RANBP17: variants seen among roughly 807,000 people sequenced by gnomAD.
RANBP17 encodes the protein ran-binding protein 17.
A neutral mutation model predicts 141.2 loss-of-function variants in RANBP17; 158 were observed. The observed-to-expected ratio is 1.12, with a 90% confidence interval of 0.98 to 1.28. RANBP17 has a LOEUF of 1.28. RANBP17 is among the 50% of genes most tolerant of loss of function. The pLI is 0.00. For synonymous variants in RANBP17, 430 were observed against 450.0 expected (o/e 0.96, Z 0.56); for missense variants, 1,438 against 1,290.7 (o/e 1.11, Z -1.75).
intron 13 of RANBP17, among the ~76,000 whole-genome samples, chr5:170,962,444 T>C (rs748221625): frequency 3.3e-5 from 5 of 152,216 alleles, no homozygotes; most frequent in African/African-American, 7.2e-5. Context: ...CAAGAGAAAG[T>C]GCATAAAATC....
chr5:170,994,284 A>G (rs4362957), intron 14 of RANBP17, among the ~76,000 whole-genome samples: 90,624 of 151,770 alleles, frequency 0.6, 28,884 homozygotes, highest in South Asian at 0.88. Flanking sequence ...TTGAATTGGT[A>G]GAAAATTAGA....
intron 14 of RANBP17, among the ~76,000 whole-genome samples, chr5:171,125,269 C>T (rs1005009814): frequency 4.1e-5 from 5 of 122,324 alleles, no homozygotes; most frequent in Non-Finnish European, 6.4e-5. Flanking sequence ...TGTGCTCCAG[C>T]GTGGGTGACA....
chr5:171,204,433 A>T (rs997023151), intron 19 of RANBP17, among the ~76,000 whole-genome samples: 1 of 152,108 alleles, frequency 6.6e-6, no homozygotes, highest in African/African-American at 2.4e-5. Context: ...AATAATTTGA[A>T]CTCCTTCCTA....
chr5:170,943,625 A>AC (rs1774515755), intron 12 of RANBP17, among the ~76,000 whole-genome samples: 1 of 152,168 alleles, frequency 6.6e-6, no homozygotes, highest in Non-Finnish European at 1.5e-5. Flanking sequence ...TAGTATTATT[A>AC]TAAAATGAGA....
At chr5:171,110,378 C>T (rs1755140174) in intron 14 of RANBP17, among the ~76,000 whole-genome samples, 1 of 152,164 alleles carries the variant, frequency 6.6e-6, no homozygotes, top group African/African-American at 2.4e-5. Flanking sequence ...CCGCTCTCTT[C>T]TGAGCATAGC....
At chr5:171,279,569 G>A (rs561426696) in intron 25 of RANBP17, among the ~76,000 whole-genome samples, 1 of 152,118 alleles carries the variant, frequency 6.6e-6, no homozygotes, top group South Asian at 2.1e-4. Flanking sequence ...GTTGCATTGG[G>A]GATTAGTTTC....
intron 13 of RANBP17, among the ~76,000 whole-genome samples, chr5:170,966,226 CA>C (rs1776551271): frequency 6.6e-6 from 1 of 151,944 alleles, no homozygotes; most frequent in Non-Finnish European, 1.5e-5. Flanking sequence ...CAAAGCCGGG[CA>C]GAGACACAAC....
rs1435660894 is a variant in RANBP17, at chr5:171,298,862, G to C, written c.*4G>C. On this transcript the variant is annotated 3_prime_UTR_variant, in exon 28 of 28. Transcript: ENST00000523189. Reference sequence around the variant, plus strand: ...CAGTCTCGACATGATGAGCTGACCCGACTTTTCTGACCATGTGCGGAGCAG... The same window carrying C: ...CAGTCTCGACATGATGAGCTGACCCCACTTTTCTGACCATGTGCGGAGCAG... The C allele has an allele frequency of 5.6e-6, 9 of 1,611,916 alleles. No homozygotes were observed. Among genetic ancestry groups the C allele is most frequent in the African/African-American group, 1.3e-5 (1 of 74,906 alleles).
At chr5:170,864,996 A>G (rs932183161) in intron 1 of RANBP17, among the ~76,000 whole-genome samples, 2 of 152,130 alleles carry the variant, frequency 1.3e-5, no homozygotes, top group Non-Finnish European at 2.9e-5. Flanking sequence ...GGCTTTCCCC[A>G]TCTTTTCTAT....
intron 1 of RANBP17, among the ~76,000 whole-genome samples, chr5:170,864,645 A>T (rs568462592): frequency 1.3e-5 from 2 of 152,316 alleles, no homozygotes; most frequent in Admixed American, 1.3e-4. Context: ...CACTTTAGGT[A>T]GAACAGAGGT....
intron 14 of RANBP17, among the ~76,000 whole-genome samples, chr5:171,115,407 A>G (rs1190074447): frequency 1.3e-5 from 2 of 152,208 alleles, no homozygotes; most frequent in African/African-American, 4.8e-5. Context: ...AATATTGTCT[A>G]TGTATATAGT....
chr5:171,094,267 G>A (rs1243708222), intron 14 of RANBP17, among the ~76,000 whole-genome samples: 2 of 152,090 alleles, frequency 1.3e-5, no homozygotes, highest in African/African-American at 4.8e-5. Context: ...AATTGTGTGT[G>A]TTGCATGATG....
intron 3 of RANBP17, among the ~76,000 whole-genome samples, chr5:170,890,256 TTA>T (rs1435688223): frequency 6.6e-6 from 1 of 152,226 alleles, no homozygotes; most frequent in Non-Finnish European, 1.5e-5. Flanking sequence ...GGATTTTCTT[TTA>T]TATTCAGGAA....
chr5:171,295,242 C>T (rs1768744253), intron 26 of RANBP17, among the ~76,000 whole-genome samples: 2 of 152,022 alleles, frequency 1.3e-5, no homozygotes, highest in South Asian at 4.2e-4. Context: ...GTATAAAAGC[C>T]CACAGTCCTC....
intron 16 of RANBP17, among the ~76,000 whole-genome samples, chr5:171,178,366 G>T (rs1401398966): frequency 1.3e-5 from 2 of 151,846 alleles, no homozygotes; most frequent in Non-Finnish European, 2.9e-5. Context: ...CTTTTTTATG[G>T]CTGCATAGTA....
At chr5:171,221,625 T>C in intron 21 of RANBP17, 133 bp from the exon 22 acceptor site, 2 of 649,468 alleles carry the variant, frequency 3.1e-6, no homozygotes, top group Non-Finnish European at 2.7e-6. Context: ...AACAGTTGTT[T>C]ATAAAATGGA....
Position 171,200,035 on chromosome 5 carries a change from A to G in RANBP17, c.2142+262A>G, listed in dbSNP as rs1413347146. Among the ~76,000 whole-genome samples the G allele has an allele frequency of 2.6e-5, 4 of 152,310 alleles. No homozygotes were observed. In the East Asian group the frequency reaches 5.8e-4, roughly 22 times the overall value. On this transcript the variant is annotated intron_variant, in intron 19 of 27. Transcript: ENST00000523189. ...TTTCCTCTGGCAGTTACTATCTTTA[A>G]TAGGATATTTCTTGTGGGTACACCA...
Position 171,091,642 on chromosome 5 carries a change from G to C in RANBP17, c.1711-78488G>C, listed in dbSNP as rs146248595. On this transcript the variant is annotated intron_variant, in intron 14 of 27. Transcript: ENST00000523189. ...ATCTCATCTTGAATTCCCATGTGTT[G>C]TGGGAGGGACCTGGTGGGAGGTAAC... 9.7e-3 allele frequency among the ~76,000 whole-genome samples: 1,479 copies of C among 152,276 alleles called. 27 individuals are homozygous for C. The highest frequency in any genetic ancestry group is 0.034 in the African/African-American group (1,422 of 41,556).
intron 12 of RANBP17, among the ~76,000 whole-genome samples, chr5:170,932,952 T>C (rs997075090): frequency 1.3e-5 from 2 of 152,178 alleles, no homozygotes; most frequent in African/African-American, 2.4e-5. Flanking sequence ...GATTCCCTCT[T>C]TTTCTGTTGA....
Sources: allele counts gnomAD v4.1 joint callset (sites outside exome capture counted in the v4.1 genomes callset), GRCh38; gene constraint gnomAD v4.1.1; transcripts MANE v1.5; gene names NCBI Gene and HGNC (gene_info 2026-07-23, HGNC 2026-07-21).